TAMM41: variants seen among roughly 807,000 people sequenced by gnomAD.
TAMM41 encodes the protein TAM41 mitochondrial translocator assembly and maintenance homolog, also known as phosphatidate cytidylyltransferase, mitochondrial.
Under a neutral mutation model 44.1 loss-of-function variants are expected in TAMM41, and 36 were observed. The observed-to-expected ratio is 0.82, with a 90% CI of 0.63 to 1.08. The LOEUF (loss-of-function observed/expected upper bound fraction) is 1.08, where lower values mean the gene tolerates loss of function less well. Among genes scored for constraint, TAMM41 ranks in the 50% least tolerant of loss-of-function variants. The probability of loss-of-function intolerance (pLI) is 0.00; values close to 1 mark genes in which losing one functional copy is unlikely to be tolerated. For missense variants in TAMM41, 417 were observed against 404.3 expected, an observed-to-expected ratio of 1.03 and a Z score of -0.27; for synonymous variants, 164 against 153.1, an observed-to-expected ratio of 1.07 and a Z score of -0.53.
intron 3 of TAMM41, among the ~76,000 whole-genome samples, chr3:11,830,106 T>C (rs762757618): frequency 1.3e-5 from 2 of 152,242 alleles, no homozygotes; most frequent in African/African-American, 2.4e-5. Context: ...AATATTCTTC[T>C]TAAATGAGGA....
the TAMM41 span, among the ~76,000 whole-genome samples, chr3:11,753,831 A>G: frequency 0.018 from 2,705 of 152,184 alleles, 78 homozygotes; most frequent in African/African-American, 0.061. Flanking sequence ...CACCCCAATA[A>G]AGAAGGAGAT....
intron 4 of TAMM41, among the ~76,000 whole-genome samples, chr3:11,822,606 T>C (rs1400812095): frequency 1.3e-5 from 2 of 152,222 alleles, no homozygotes; most frequent in African/African-American, 4.8e-5. Flanking sequence ...TGCCACAGAT[T>C]TGCCTATTCT....
At chr3:11,840,856 T>C (rs2079404042) in intron 2 of TAMM41, among the ~76,000 whole-genome samples, 2 of 152,102 alleles carry the variant, frequency 1.3e-5, no homozygotes, top group African/African-American at 4.8e-5. Flanking sequence ...GAGTCAAAAC[T>C]AGGTCCCAGA....
intron 3 of TAMM41, among the ~76,000 whole-genome samples, chr3:11,837,254 A>C (rs996875017): frequency 6.6e-6 from 1 of 152,154 alleles, no homozygotes; most frequent in Admixed American, 6.5e-5. Context: ...ACTCGAGAAC[A>C]ATCTATCGGC....
At chr3:11,724,252 T>C in the TAMM41 span, among the ~76,000 whole-genome samples, 28,363 of 149,830 alleles carry the variant, frequency 0.19, 2,804 homozygotes, top group Middle Eastern at 0.27. Context: ...CACAGGCATG[T>C]GCCACCATGC....
chr3:11,786,576 T>A (rs2077419364), downstream of TAMM41, among the ~76,000 whole-genome samples: 1 of 152,112 alleles, frequency 6.6e-6, no homozygotes, highest in African/African-American at 2.4e-5. Context: ...GTGCTGGGAT[T>A]ACAGGCGTGA....
At chr3:11,840,245 T>C (rs2079374067) in intron 2 of TAMM41, among the ~76,000 whole-genome samples, 1 of 151,674 alleles carries the variant, frequency 6.6e-6, no homozygotes, top group Non-Finnish European at 1.5e-5. Flanking sequence ...CATTTTTTTT[T>C]TTTTTAAGAT....
downstream of TAMM41, among the ~76,000 whole-genome samples, chr3:11,789,150 A>G (rs1286217735): frequency 6.6e-6 from 1 of 152,202 alleles, no homozygotes; most frequent in African/African-American, 2.4e-5. Flanking sequence ...ACAGACAGTG[A>G]AACTATTCAG....
chr3:11,831,813 A>C (rs2078992991), intron 3 of TAMM41, among the ~76,000 whole-genome samples: 1 of 152,154 alleles, frequency 6.6e-6, no homozygotes, highest in Non-Finnish European at 1.5e-5. Context: ...CTTTTTTCTA[A>C]GGGAGTATTT....
the TAMM41 span, among the ~76,000 whole-genome samples, chr3:11,729,797 G>A: frequency 2.0e-5 from 3 of 151,020 alleles, no homozygotes; most frequent in Non-Finnish European, 4.4e-5. Flanking sequence ...TGACTGCAAG[G>A]AAGGAAGGAA....
chr3:11,723,452 T>G, the TAMM41 span, among the ~76,000 whole-genome samples: 8 of 151,898 alleles, frequency 5.3e-5, no homozygotes, highest in Non-Finnish European at 8.8e-5. Flanking sequence ...TGGTGGCACA[T>G]GCCTGTAAGT....
At chr3:11,750,739 C>T in the TAMM41 span, among the ~76,000 whole-genome samples, 1 of 152,188 alleles carries the variant, frequency 6.6e-6, no homozygotes, top group Non-Finnish European at 1.5e-5. Flanking sequence ...TATCCACAAG[C>T]TAAAGTCCAG....
At chr3:11,837,592 C>G (rs1443400354) in intron 3 of TAMM41, among the ~76,000 whole-genome samples, 3 of 152,116 alleles carry the variant, frequency 2.0e-5, no homozygotes, top group African/African-American at 7.2e-5. Context: ...GAAAGCATCA[C>G]CACTGGCCTG....
intron 5 of TAMM41, 104 bp downstream of exon 5, chr3:11,817,088 C>T (rs1345262034): frequency 8.0e-7 from 1 of 1,253,646 alleles, no homozygotes; most frequent in Non-Finnish European, 1.1e-6. Context: ...ACTTTTTAAA[C>T]TATAAATGTT....
At chr3:11,760,932 C>T in the TAMM41 span, among the ~76,000 whole-genome samples, 3 of 150,910 alleles carry the variant, frequency 2.0e-5, no homozygotes, top group Non-Finnish European at 3.0e-5. Flanking sequence ...TTTGGGAGGC[C>T]GAGGTGGGCA....
At chr3:11,825,451 A>G (rs1340468935) in intron 4 of TAMM41, among the ~76,000 whole-genome samples, 4 of 152,188 alleles carry the variant, frequency 2.6e-5, no homozygotes, top group African/African-American at 4.8e-5. Context: ...AAGGTTTCAG[A>G]TGGCTTCATC....
the TAMM41 span, among the ~76,000 whole-genome samples, chr3:11,745,524 A>G: frequency 2.0e-5 from 3 of 152,224 alleles, no homozygotes; most frequent in African/African-American, 4.8e-5. Flanking sequence ...GACACATGCT[A>G]CAACATGGAT....
intron 2 of TAMM41, among the ~76,000 whole-genome samples, chr3:11,841,698 G>T (rs964918071): frequency 6.6e-6 from 1 of 152,166 alleles, no homozygotes; most frequent in Non-Finnish European, 1.5e-5. Flanking sequence ...GACTCAAGTG[G>T]ATGCAGAAGG....
the TAMM41 span, among the ~76,000 whole-genome samples, chr3:11,785,181 T>C: frequency 6.6e-6 from 1 of 152,070 alleles, no homozygotes; most frequent in African/African-American, 2.4e-5. Flanking sequence ...GTTGCCCAGG[T>C]TTCTCACCAG....
Sources: allele counts gnomAD v4.1 joint callset (sites outside exome capture counted in the v4.1 genomes callset), GRCh38; gene constraint gnomAD v4.1.1; transcripts MANE v1.5; gene names NCBI Gene and HGNC (gene_info 2026-07-23, HGNC 2026-07-21).